The following UBAP2 variants were observed in gnomAD, a reference collection of about 807,000 sequenced individuals.
UBAP2 encodes ubiquitin associated protein 2, also known as ubiquitin-associated protein 2.
A neutral mutation model predicts 139.6 loss-of-function variants in UBAP2; 75 were observed. The observed-to-expected ratio is 0.54, with a 90% CI of 0.45 to 0.65. UBAP2 has a LOEUF of 0.65. Among genes scored for constraint, UBAP2 ranks in the 30% least tolerant of loss-of-function variants. The pLI is 0.00. For synonymous variants in UBAP2, 526 were observed against 526.2 expected, an observed-to-expected ratio of 1.00 and a Z score of 0.01; for missense variants, 1,368 against 1,369.6, an observed-to-expected ratio of 1.00 and a Z score of 0.02.
intron 11 of UBAP2, among the ~76,000 whole-genome samples, chr9:33,954,561 CCTAA>C (rs1327167522): frequency 1.3e-5 from 2 of 152,114 alleles, no homozygotes; most frequent in African/African-American, 4.8e-5. Context: ...CATCAGTTCT[CCTAA>C]CTGACATTCT....
intron 16 of UBAP2, among the ~76,000 whole-genome samples, chr9:33,937,411 A>T (rs895382019): frequency 6.6e-6 from 1 of 152,042 alleles, no homozygotes; most frequent in African/African-American, 2.4e-5. Flanking sequence ...GATCGAGACC[A>T]GCCTAGCCAA....
intron 6 of UBAP2, among the ~76,000 whole-genome samples, chr9:33,985,362 T>C (rs1159692155): frequency 2.0e-5 from 3 of 152,234 alleles, no homozygotes; most frequent in Admixed American, 2.0e-4. Context: ...TCCTCACTTC[T>C]AGCTATTTTG....
Position 33,923,662 on chromosome 9 carries a change from G to C in UBAP2, c.2796+133C>G, listed in dbSNP as rs375400971. The C allele has an allele frequency of 3.3e-4, 363 of 1,111,952 alleles. 1 individual carries two copies. The highest frequency in any genetic ancestry group is 5.7e-4 in the Admixed American group (31 of 54,328). The allele number at this position is 1,111,952 out of a possible 1,614,324, so 68.9% of individuals were successfully genotyped here. On this transcript the variant is annotated intron_variant, in intron 24 of 28. Coordinates refer to ENST00000379238, the MANE Select transcript of UBAP2 (RefSeq NM_001370062.2). ...GGAAAAGTGACCTTGTCCCCAGCCT[G>C]AACAGTTTCTGAAGACCAGGTAAGA...
At position 34,032,309 on chromosome 9, in the gene UBAP2, C is replaced by T. The variant is rs180724996; in HGVS notation, c.-41-15120G>A. Among the ~76,000 whole-genome samples the T allele has an allele frequency of 3.3e-5, 5 of 152,206 alleles. No individual in the cohort carries two copies. In the East Asian group the frequency reaches 7.7e-4, roughly 23 times the overall value. ...AACAAATTAACTCATAGATTTAATACCAACAGCACAATAACCTTGGTCTGT... is the reference window on the plus strand; with the variant it reads ...AACAAATTAACTCATAGATTTAATATCAACAGCACAATAACCTTGGTCTGT... On this transcript the variant is annotated intron_variant, in intron 1 of 28. Transcript: ENST00000379238.
intron 6 of UBAP2, among the ~76,000 whole-genome samples, chr9:33,979,889 C>T (rs1044087148): frequency 5.3e-5 from 8 of 151,082 alleles, no homozygotes; most frequent in African/African-American, 9.7e-5. Context: ...TAAGTGTAAC[C>T]GGTGAAACCC....
chr9:34,004,791 A>T (rs1823041341), intron 2 of UBAP2, among the ~76,000 whole-genome samples: 2 of 150,344 alleles, frequency 1.3e-5, no homozygotes, highest in African/African-American at 4.9e-5. Flanking sequence ...CTCCAAAAAA[A>T]AAAATAGGGA....
At chr9:34,021,664 C>T (rs1360900020) in intron 1 of UBAP2, among the ~76,000 whole-genome samples, 2 of 145,098 alleles carry the variant, frequency 1.4e-5, no homozygotes, top group Non-Finnish European at 3.0e-5. Context: ...GACGGAGGCT[C>T]GCTCCATCAC....
intron 11 of UBAP2, among the ~76,000 whole-genome samples, chr9:33,954,265 T>TACACACAC (rs1491115319): frequency 2.5e-5 from 3 of 121,210 alleles, no homozygotes; most frequent in East Asian, 4.5e-4. Flanking sequence ...TAAGTGTGTG[T>TACACACAC]ATATACACAC....
At chr9:34,015,428 C>A (rs956323578) in intron 2 of UBAP2, among the ~76,000 whole-genome samples, 1 of 152,020 alleles carries the variant, frequency 6.6e-6, no homozygotes, top group Non-Finnish European at 1.5e-5. Context: ...AAGCAATTCT[C>A]CCTGCCTCAG....
At chr9:33,966,089 T>A (rs1326607295) in intron 8 of UBAP2, among the ~76,000 whole-genome samples, 1 of 151,922 alleles carries the variant, frequency 6.6e-6, no homozygotes, top group African/African-American at 2.4e-5. Context: ...CTTAGAACTT[T>A]TTTTTCCTTT....
At chr9:33,989,480 C>T (rs940574837) in intron 4 of UBAP2, among the ~76,000 whole-genome samples, 3 of 152,064 alleles carry the variant, frequency 2.0e-5, no homozygotes, top group Non-Finnish European at 4.4e-5. Context: ...GGATTACAGG[C>T]GTGAGCCACC....
intron 1 of UBAP2, among the ~76,000 whole-genome samples, chr9:34,021,857 C>T (rs1168909362): frequency 6.6e-6 from 1 of 152,166 alleles, no homozygotes; most frequent in African/African-American, 2.4e-5. Context: ...TGGTTTCGAA[C>T]TCCAGACCTC....
chr9:34,000,129 T>A (rs550618807), intron 2 of UBAP2, among the ~76,000 whole-genome samples: 30 of 152,038 alleles, frequency 2.0e-4, no homozygotes, highest in African/African-American at 6.5e-4. Context: ...ATTTAATTTT[T>A]TAAAGGTAGG....
In UBAP2 at chr9:34,002,590, C is replaced by G. The variant is rs931655987; in HGVS notation, c.100-3726G>C. The stretch of plus-strand genomic sequence containing the variant: ...AACGGGTTTCACAATGTTGGTCAGG[C>G]TGGTCTCGAACTCCTGACCTCATGA... On this transcript the variant is annotated intron_variant, in intron 2 of 28. Transcript: ENST00000379238. 2.0e-5 allele frequency among the ~76,000 whole-genome samples: 3 copies of G among 152,050 alleles called. No individual in the cohort carries two copies. In the East Asian group the frequency reaches 5.8e-4, roughly 29 times the overall value.
At chr9:34,046,863 G>A (rs1299249772) in intron 1 of UBAP2, among the ~76,000 whole-genome samples, 1 of 152,020 alleles carries the variant, frequency 6.6e-6, no homozygotes, top group African/African-American at 2.4e-5. Context: ...AGTCACTCAG[G>A]CTAATACTAA....
intron 2 of UBAP2, among the ~76,000 whole-genome samples, chr9:34,009,319 G>A (rs577101348): frequency 6.6e-6 from 1 of 152,076 alleles, no homozygotes; most frequent in East Asian, 1.9e-4. Flanking sequence ...GGCTGGTCTC[G>A]AACCCCTGGC....
intron 4 of UBAP2, chr9:33,995,492 T>C (rs1182068657): frequency 7.4e-6 from 1 of 134,620 alleles, no homozygotes; most frequent in Non-Finnish European, 1.5e-5. Context: ...TTTATATTAT[T>C]AAATATATAT....
chr9:33,995,657 A>G (rs1822144100), intron 4 of UBAP2: 1 of 144,870 alleles, frequency 6.9e-6, no homozygotes, highest in South Asian at 2.1e-4. Flanking sequence ...ACTATAATAT[A>G]TAAATATAAA....
At chr9:34,042,960 C>T (rs1324224662) in intron 1 of UBAP2, among the ~76,000 whole-genome samples, 1 of 151,786 alleles carries the variant, frequency 6.6e-6, no homozygotes, top group African/African-American at 2.4e-5. Context: ...CCAAGCTACT[C>T]AGGAGGCTGA....
Sources: allele counts gnomAD v4.1 joint callset (sites outside exome capture counted in the v4.1 genomes callset), GRCh38; gene constraint gnomAD v4.1.1; transcripts MANE v1.5; gene names NCBI Gene and HGNC (gene_info 2026-07-23, HGNC 2026-07-21).